The following PRIM2 variants were observed in gnomAD, a reference collection of about 807,000 sequenced individuals.
PRIM2 encodes DNA primase large subunit.
PRIM2 carries 39 observed loss-of-function variants against 67.3 expected under a neutral mutation model. The observed-to-expected ratio is 0.58, with a 90% CI of 0.45 to 0.76. The LOEUF (loss-of-function observed/expected upper bound fraction) is 0.76, where lower values mean the gene tolerates loss of function less well. Ranked by LOEUF, PRIM2 falls within the 30% of genes least tolerant of loss-of-function variation. PRIM2 has a pLI of 0.00. For synonymous variants in PRIM2, 143 were observed against 198.7 expected, an observed-to-expected ratio of 0.72 and a Z score of 2.36; for missense variants, 398 against 598.7, an observed-to-expected ratio of 0.66 and a Z score of 3.50.
chr6:57,389,965 G>C (rs1770274673), intron 7 of PRIM2, among the ~76,000 whole-genome samples: 1 of 152,128 alleles, frequency 6.6e-6, no homozygotes, highest in Non-Finnish European at 1.5e-5. Flanking sequence ...GGGTCACTGT[G>C]AACTTGTCAG....
At chr6:57,499,025 C>G (rs1215412908) in intron 7 of PRIM2, among the ~76,000 whole-genome samples, 2 of 152,124 alleles carry the variant, frequency 1.3e-5, no homozygotes, top group Non-Finnish European at 2.9e-5. Flanking sequence ...GCAGAATATC[C>G]TTTAGGGGGT....
chr6:57,346,348 A>T lies in PRIM2; in HGVS notation c.459+20303A>T, dbSNP rs186748952. Among the ~76,000 whole-genome samples, 5 of 151,686 alleles carry T rather than the reference A, an allele frequency of 3.3e-5. No homozygotes were observed. In the East Asian group the frequency reaches 7.8e-4, roughly 24 times the overall value. On this transcript the variant is annotated intron_variant, in intron 5 of 13. Transcript: ENST00000615550. ...CTTTTTTTTTTTGAGACGGAGTCTC[A>T]CTCTGTCGCCCAGGCTGGAGTCCAA...
chr6:57,448,651 G>A (rs1459238771), intron 7 of PRIM2, among the ~76,000 whole-genome samples: 2 of 152,078 alleles, frequency 1.3e-5, no homozygotes, highest in Non-Finnish European at 1.5e-5. Flanking sequence ...CAGGTCATAG[G>A]TGGGTTCAGA....
At chr6:57,261,237 T>G in the PRIM2 span, among the ~76,000 whole-genome samples, 1 of 152,076 alleles carries the variant, frequency 6.6e-6, no homozygotes, top group Non-Finnish European at 1.5e-5. Flanking sequence ...CTTGAGATTA[T>G]CAAGAGCAGG....
At chr6:57,504,423 T>G (rs1554347130) in intron 7 of PRIM2, among the ~76,000 whole-genome samples, 14,325 of 152,268 alleles carry the variant, frequency 0.094, 753 homozygotes, top group East Asian at 0.22. Context: ...AAGAGTTAGT[T>G]ATCTGTTAAC....
intron 5 of PRIM2, among the ~76,000 whole-genome samples, chr6:57,357,972 G>C (rs1220558902): frequency 2.0e-5 from 3 of 152,104 alleles, no homozygotes; most frequent in Non-Finnish European, 4.4e-5. Flanking sequence ...GAAAGCAAAG[G>C]ACCCTGAATA....
intron 8 of PRIM2, among the ~76,000 whole-genome samples, chr6:57,517,696 A>G (rs1321159279): frequency 1.3e-5 from 2 of 152,184 alleles, no homozygotes; most frequent in Non-Finnish European, 2.9e-5. Flanking sequence ...GTAGCCCTGG[A>G]AAAGCTATAT....
the PRIM2 span, among the ~76,000 whole-genome samples, chr6:57,265,323 G>C: frequency 6.6e-6 from 1 of 152,196 alleles, no homozygotes; most frequent in South Asian, 2.1e-4. Flanking sequence ...TTGGGGAGGA[G>C]AAGGGACAGT....
chr6:57,221,546 G>C, the PRIM2 span: 1 of 152,428 alleles, frequency 6.6e-6, no homozygotes, highest in Non-Finnish European at 1.5e-5. Context: ...GACTCTCTTC[G>C]CCATCAAACC....
intron 10 of PRIM2, among the ~76,000 whole-genome samples, chr6:57,572,173 T>G (rs1775875771): frequency 6.6e-6 from 1 of 152,220 alleles, no homozygotes; most frequent in Non-Finnish European, 1.5e-5. Context: ...AAGAAAAAGT[T>G]TAATTAATGA....
In PRIM2 at chr6:57,404,682, C is replaced by T. The variant is rs559946440; in HGVS notation, c.693+22514C>T. Among the ~76,000 whole-genome samples the T allele has an allele frequency of 2.2e-4, 33 of 152,280 alleles. No homozygotes were observed. In the East Asian group the frequency reaches 6.2e-3, roughly 29 times the overall value. On this transcript the variant is annotated intron_variant, in intron 7 of 13. Transcript: ENST00000615550. ...CTGTTATTCACTGGACAGTTTTTCTCTGCAGTATGTAAGATGTGAATTTTA... is the reference window on the plus strand; with the variant it reads ...CTGTTATTCACTGGACAGTTTTTCTTTGCAGTATGTAAGATGTGAATTTTA...
intron 12 of PRIM2, among the ~76,000 whole-genome samples, chr6:57,629,573 G>C (rs1299318291): frequency 1.3e-5 from 2 of 152,092 alleles, no homozygotes; most frequent in Non-Finnish European, 2.9e-5. Context: ...CATTAAGTGG[G>C]AAATGCTCCT....
At chr6:57,325,343 A>G (rs1289690705) in intron 4 of PRIM2, among the ~76,000 whole-genome samples, 1 of 137,742 alleles carries the variant, frequency 7.3e-6, no homozygotes, top group Admixed American at 7.9e-5. Context: ...GCCATTACCT[A>G]GGCTGGAGTA....
At chr6:57,425,237 AATT>A (rs145184670) in intron 7 of PRIM2, among the ~76,000 whole-genome samples, 1 of 152,000 alleles carries the variant, frequency 6.6e-6, no homozygotes, top group Non-Finnish European at 1.5e-5. Flanking sequence ...TTTTTAATGG[AATT>A]ATTATTATTA....
chr6:57,345,167 T>A, intron 5 of PRIM2, among the ~76,000 whole-genome samples: 1 of 97,810 alleles, frequency 1.0e-5, no homozygotes. Context: ...TTTTATTAAT[T>A]TTTTTTTTTG....
At chr6:57,599,408 T>A (rs1360902472) in intron 10 of PRIM2, among the ~76,000 whole-genome samples, 1 of 151,716 alleles carries the variant, frequency 6.6e-6, no homozygotes, top group Non-Finnish European at 1.5e-5. Context: ...AGGACATAAC[T>A]TCTCTCTTTC....
chr6:57,457,292 A>C (rs1311577004), intron 7 of PRIM2, among the ~76,000 whole-genome samples: 1 of 152,318 alleles, frequency 6.6e-6, no homozygotes, highest in East Asian at 1.9e-4. Context: ...GCGTGCTGGG[A>C]GAACCACTAC....
At chr6:57,567,955 G>A (rs1775781575) in intron 10 of PRIM2, among the ~76,000 whole-genome samples, 1 of 152,000 alleles carries the variant, frequency 6.6e-6, no homozygotes, top group Non-Finnish European at 1.5e-5. Context: ...GTATGTATAT[G>A]CATTTGGTTT....
rs1390305925 is a variant in PRIM2, at chr6:57,377,730, A to G, written c.460-2171A>G. Among the ~76,000 whole-genome samples, 5 of 152,076 alleles carry G rather than the reference A, an allele frequency of 3.3e-5. No individual in the cohort carries two copies. In the East Asian group the frequency reaches 9.7e-4, roughly 29 times the overall value. On this transcript the variant is annotated intron_variant, in intron 5 of 13. Transcript: ENST00000615550. The stretch of plus-strand genomic sequence containing the variant: ...TAAATTTTTTTTGTCTATTTCTAGA[A>G]ATTTTTTTTTCTTTTTCCTCTTTTT...
Sources: gnomAD v4.1 joint callset for allele counts (sites outside exome capture counted in the v4.1 genomes callset) on GRCh38, gnomAD v4.1.1 for gene constraint, MANE v1.5 for transcripts, NCBI Gene and HGNC (gene_info 2026-07-23, HGNC 2026-07-21) for gene names.